FBN2: variants seen among roughly 807,000 people sequenced by gnomAD.
FBN2 encodes fibrillin-2.
In FBN2, 105 loss-of-function variants were observed where a neutral mutation model predicts 355.6. The observed-to-expected ratio is 0.30, with a 90% confidence interval of 0.25 to 0.35. The LOEUF is 0.35. Ranked by LOEUF, FBN2 falls within the 10% of genes least tolerant of loss-of-function variation. FBN2 has a pLI of 1.00. For synonymous variants in FBN2, 1,350 were observed against 1,301.2 expected (o/e 1.04, Z -0.81); for missense variants, 3,280 against 3,758.7 (o/e 0.87, Z 3.33).
At chr5:128,385,336 T>C (rs1326311084) in intron 11 of FBN2, among the ~76,000 whole-genome samples, 2 of 152,102 alleles carry the variant, frequency 1.3e-5, no homozygotes, top group Non-Finnish European at 2.9e-5. Flanking sequence ...TGTTAATTCA[T>C]TTAGGACAAT....
At position 128,369,379 on chromosome 5, in the gene FBN2, A is replaced by C. The variant is rs374842789; in HGVS notation, c.2096-45T>G. 4.7e-5 allele frequency: 75 copies of C among 1,607,402 alleles called. No homozygotes were observed. In the African/African-American group the frequency reaches 8.3e-4, roughly 18 times the overall value. ...AATGACTTGAGGCAGTGATAGAGAC[A>C]AAGAGATTTCGAAACAGAAGGCTTC... On this transcript the variant is annotated intron_variant, in intron 15 of 64. Transcript: ENST00000262464.
chr5:128,507,462 T>A (rs1755994010), intron 5 of FBN2, among the ~76,000 whole-genome samples: 1 of 152,034 alleles, frequency 6.6e-6, no homozygotes, highest in Admixed American at 6.5e-5. Context: ...AAATGCTATA[T>A]AAATGGTTGT....
rs571016366 is a variant in FBN2 at position 128,535,804 on chromosome 5, G to A, written c.337+598C>T. Among the ~76,000 whole-genome samples, 179 of 142,698 alleles carry A rather than the reference G, an allele frequency of 1.3e-3. 1 individual carries two copies. The highest frequency in any genetic ancestry group is 2.2e-3 in the Non-Finnish European group (148 of 66,288). 93.6% of individuals were successfully genotyped at this position (142,698 alleles called of 152,430 possible). ...GGGTCTGGAAACCCTAAATTTAAACGTCTTCCAAAAAGCAAAAAAAAAAAA... is the reference window on the plus strand; with the variant it reads ...GGGTCTGGAAACCCTAAATTTAAACATCTTCCAAAAAGCAAAAAAAAAAAA... On this transcript the variant is annotated intron_variant, in intron 2 of 64. Coordinates refer to ENST00000262464, the MANE Select transcript of FBN2 (RefSeq NM_001999.4).
chr5:128,276,351 A>G (rs1765394237), intron 58 of FBN2, among the ~76,000 whole-genome samples, 191 bp from the exon 59 acceptor site: 1 of 152,212 alleles, frequency 6.6e-6, no homozygotes, highest in African/African-American at 2.4e-5. Context: ...AAATCAATCT[A>G]TGGATCTTGG....
chr5:128,486,733 G>A (rs531036411), intron 5 of FBN2, among the ~76,000 whole-genome samples: 10 of 152,064 alleles, frequency 6.6e-5, no homozygotes, highest in East Asian at 3.9e-4. Flanking sequence ...TTAACTCGCC[G>A]TTTACATTAG....
At chr5:128,497,491 T>C (rs914472828) in intron 5 of FBN2, among the ~76,000 whole-genome samples, 6 of 152,216 alleles carry the variant, frequency 3.9e-5, no homozygotes, top group African/African-American at 9.6e-5. Flanking sequence ...TTTGCTTTGT[T>C]GTCATCGTAA....
chr5:128,414,345 T>A (rs1753143128), intron 7 of FBN2, among the ~76,000 whole-genome samples: 2 of 152,284 alleles, frequency 1.3e-5, no homozygotes, highest in South Asian at 4.2e-4. Context: ...TATATTTGTT[T>A]ATTCTGGACA....
At chr5:128,303,373 A>T (rs1442502034) in intron 45 of FBN2, among the ~76,000 whole-genome samples, 1 of 152,224 alleles carries the variant, frequency 6.6e-6, no homozygotes, top group Non-Finnish European at 1.5e-5. Flanking sequence ...GAGATGTATT[A>T]ATGAGCAGGT....
intron 4 of FBN2, among the ~76,000 whole-genome samples, chr5:128,519,624 TG>T (rs1028189107): frequency 1.3e-5 from 2 of 152,072 alleles, no homozygotes; most frequent in Non-Finnish European, 2.9e-5. Context: ...AAAGGTTTTT[TG>T]TTTTTTTTTT....
chr5:128,267,148 C>A (rs953086942), intron 62 of FBN2, among the ~76,000 whole-genome samples: 1 of 152,196 alleles, frequency 6.6e-6, no homozygotes, highest in Non-Finnish European at 1.5e-5. Flanking sequence ...CTGCAAAGGA[C>A]ATGCTCTCAT....
At chr5:128,367,627 G>A (rs1366216785) in intron 16 of FBN2, among the ~76,000 whole-genome samples, 2 of 152,028 alleles carry the variant, frequency 1.3e-5, no homozygotes, top group African/African-American at 4.8e-5. Context: ...AATGTTTAGT[G>A]TAGGGACCTA....
intron 6 of FBN2, among the ~76,000 whole-genome samples, chr5:128,455,699 G>A (rs935413343): frequency 3.3e-5 from 5 of 151,846 alleles, no homozygotes; most frequent in African/African-American, 4.8e-5. Context: ...AGAGCCACAC[G>A]GGGATGGGAA....
chr5:128,518,587 T>C (rs995456285), intron 5 of FBN2, among the ~76,000 whole-genome samples: 16 of 152,140 alleles, frequency 1.1e-4, no homozygotes, highest in African/African-American at 3.9e-4. Flanking sequence ...TGAACTATTT[T>C]AAAAACTCAA....
At chr5:128,437,598 G>A (rs1288081425) in intron 7 of FBN2, among the ~76,000 whole-genome samples, 1 of 151,980 alleles carries the variant, frequency 6.6e-6, no homozygotes, top group Non-Finnish European at 1.5e-5. Context: ...GGCTTCATGG[G>A]TGCTTATTAC....
intron 5 of FBN2, among the ~76,000 whole-genome samples, chr5:128,481,860 G>T (rs1479935943): frequency 6.6e-6 from 1 of 152,092 alleles, no homozygotes; most frequent in Non-Finnish European, 1.5e-5. Context: ...TACCTATCGT[G>T]TTTCTGCTCG....
rs1253100563 is a variant in FBN2 at position 128,259,244 on chromosome 5, T to C, written c.*211A>G. The C allele has an allele frequency of 5.1e-6, 3 of 587,596 alleles. No individual in the cohort carries two copies. Among genetic ancestry groups the C allele is most frequent in the African/African-American group, 3.7e-5 (2 of 53,666 alleles). The allele number at this position is 587,596 out of a possible 1,614,324, so 36.4% of individuals were successfully genotyped here. The stretch of plus-strand genomic sequence containing the variant: ...AAATGAAGTTATATAAAAAATACAG[T>C]AACCACGGTTGCCTTTGTGCTCAAA... On this transcript the variant is annotated 3_prime_UTR_variant, in exon 65 of 65. Transcript: ENST00000262464.
At chr5:128,531,949 T>A (rs1426046288) in intron 2 of FBN2, among the ~76,000 whole-genome samples, 1 of 151,920 alleles carries the variant, frequency 6.6e-6, no homozygotes, top group Non-Finnish European at 1.5e-5. Flanking sequence ...AGACTGAGAG[T>A]TTAAAATGCA....
chr5:128,383,536 C>G (rs769436748), intron 11 of FBN2, among the ~76,000 whole-genome samples: 7 of 152,078 alleles, frequency 4.6e-5, no homozygotes, highest in Non-Finnish European at 1.0e-4. Flanking sequence ...AGGCAAGCCA[C>G]AGGCTAGGAG....
intron 5 of FBN2, among the ~76,000 whole-genome samples, chr5:128,476,085 T>C (rs1266503245): frequency 1.3e-5 from 2 of 152,154 alleles, no homozygotes; most frequent in Non-Finnish European, 2.9e-5. Context: ...GTGACAGAGG[T>C]ACAGGTGTTT....
Sources: gnomAD v4.1 joint callset for allele counts (sites outside exome capture counted in the v4.1 genomes callset) on GRCh38, gnomAD v4.1.1 for gene constraint, MANE v1.5 for transcripts, NCBI Gene and HGNC (gene_info 2026-07-23, HGNC 2026-07-21) for gene names.